PGBD2: variants seen among roughly 807,000 people sequenced by gnomAD.
PGBD2 encodes piggyBac transposable element-derived protein 2.
Under a neutral mutation model 8.1 loss-of-function variants are expected in PGBD2, and 6 were observed. The ratio of observed to expected loss-of-function variants is 0.74; its 90% CI spans 0.40 to 1.46. The LOEUF (loss-of-function observed/expected upper bound fraction) is 1.46, where lower values mean the gene tolerates loss of function less well. PGBD2 is among the 40% of genes most tolerant of loss of function. PGBD2 has a pLI of 0.02. For missense variants in PGBD2, 802 were observed against 739.0 expected, an observed-to-expected ratio of 1.09 and a Z score of -0.99; for synonymous variants, 318 against 272.2, an observed-to-expected ratio of 1.17 and a Z score of -1.66.
the PGBD2 span, among the ~76,000 whole-genome samples, chr1:248,875,321 A>C: frequency 8.0e-5 from 12 of 149,278 alleles, no homozygotes; most frequent in African/African-American, 3.0e-4. Flanking sequence ...AAAAAAAAAA[A>C]AAAAAAAGAA....
chr1:248,902,901 G>T (rs1661558609), upstream of PGBD2, among the ~76,000 whole-genome samples: 7 of 152,156 alleles, frequency 4.6e-5, no homozygotes, highest in Admixed American at 4.6e-4. Flanking sequence ...AGTAGCTAAT[G>T]CTTGTTAAGC....
At chr1:248,924,421 G>A (rs756223549), downstream of PGBD2, among the ~76,000 whole-genome samples, 9 of 152,146 alleles carry the variant, frequency 5.9e-5, no homozygotes, top group Non-Finnish European at 1.2e-4. Context: ...ATCTACAGTA[G>A]AAGATATTTT....
chr1:248,877,851 A>G, the PGBD2 span, among the ~76,000 whole-genome samples: 1 of 152,198 alleles, frequency 6.6e-6, no homozygotes, highest in Non-Finnish European at 1.5e-5. Flanking sequence ...GCTGATGGCT[A>G]GAAGTGATGT....
chr1:248,928,822 G>A, the PGBD2 span, among the ~76,000 whole-genome samples: 6 of 152,226 alleles, frequency 3.9e-5, no homozygotes, highest in East Asian at 3.9e-4. Context: ...GTGACTTTTC[G>A]CACCTTAAAT....
the PGBD2 span, among the ~76,000 whole-genome samples, chr1:248,925,350 G>A: frequency 6.6e-6 from 1 of 152,178 alleles, no homozygotes; most frequent in African/African-American, 2.4e-5. Flanking sequence ...CAGGGGAAGA[G>A]AATTGTCCAC....
chr1:248,887,801 AAC>A, the PGBD2 span, among the ~76,000 whole-genome samples: 1 of 152,202 alleles, frequency 6.6e-6, no homozygotes, highest in Non-Finnish European at 1.5e-5. Flanking sequence ...GCACCAACCT[AAC>A]ACAAGGGCAG....
chr1:248,881,008 A>G, the PGBD2 span, among the ~76,000 whole-genome samples: 1 of 152,140 alleles, frequency 6.6e-6, no homozygotes, highest in Non-Finnish European at 1.5e-5. Flanking sequence ...AGGTTACTTA[A>G]GGGTATGCAT....
chr1:248,907,274 A>G (rs1028465117), intron 1 of PGBD2, among the ~76,000 whole-genome samples: 6 of 152,250 alleles, frequency 3.9e-5, no homozygotes, highest in Admixed American at 2.6e-4. Context: ...TTTCAGTGGA[A>G]TAAAGAATAA....
the PGBD2 span, among the ~76,000 whole-genome samples, chr1:248,886,458 A>C: frequency 6.6e-6 from 1 of 152,368 alleles, no homozygotes; most frequent in African/African-American, 2.4e-5. Context: ...TTTGTACTCC[A>C]TCTGAAAGAT....
At chr1:248,914,004 A>C in intron 2 of PGBD2, 125 bp downstream of exon 2, 1 of 855,082 alleles carries the variant, frequency 1.2e-6, no homozygotes, top group Non-Finnish European at 2.0e-6. Flanking sequence ...GGAAGTATAA[A>C]GGAAGAAGGG....
intron 1 of PGBD2, among the ~76,000 whole-genome samples, chr1:248,907,229 C>T (rs546394614): frequency 6.6e-6 from 1 of 152,200 alleles, no homozygotes; most frequent in African/African-American, 2.4e-5. Context: ...TGGATGTGCA[C>T]GTAGGCCACA....
chr1:248,903,289 C>G (rs1327870589), upstream of PGBD2, among the ~76,000 whole-genome samples: 1 of 152,118 alleles, frequency 6.6e-6, no homozygotes, highest in Non-Finnish European at 1.5e-5. Context: ...GTCTCAAACT[C>G]CTGGGCTCAA....
At chr1:248,929,814 C>T in the PGBD2 span, among the ~76,000 whole-genome samples, 2 of 152,176 alleles carry the variant, frequency 1.3e-5, no homozygotes, top group African/African-American at 4.8e-5. Flanking sequence ...GTGCAGGAAA[C>T]TCTCTCAGTG....
upstream of PGBD2, among the ~76,000 whole-genome samples, chr1:248,902,768 G>A (rs1661557119): frequency 6.6e-6 from 1 of 151,716 alleles, no homozygotes; most frequent in Non-Finnish European, 1.5e-5. Flanking sequence ...AACACCACAT[G>A]TTCTCACTTA....
chr1:248,893,751 C>A, the PGBD2 span, among the ~76,000 whole-genome samples: 1 of 152,134 alleles, frequency 6.6e-6, no homozygotes, highest in Non-Finnish European at 1.5e-5. Context: ...TGGCTACATA[C>A]CCACAAGTGT....
At chr1:248,882,275 T>C in the PGBD2 span, among the ~76,000 whole-genome samples, 29 of 152,254 alleles carry the variant, frequency 1.9e-4, no homozygotes, top group African/African-American at 6.7e-4. Context: ...TTTAGGGTCA[T>C]TTGATTATGA....
downstream of PGBD2, among the ~76,000 whole-genome samples, chr1:248,924,472 A>T (rs1488859140): frequency 6.6e-6 from 1 of 152,226 alleles, no homozygotes; most frequent in African/African-American, 2.4e-5. Flanking sequence ...CTTGCTCTTA[A>T]GTCTTTTAGA....
chr1:248,917,353 C>G lies in PGBD2; in HGVS notation c.769C>G (p.Gln257Glu). 6.2e-7 allele frequency: 1 copy of G among 1,614,158 alleles called. No individual in the cohort carries two copies. The highest frequency in any genetic ancestry group is 8.5e-7 in the Non-Finnish European group (1 of 1,180,022). The change falls in exon 3 of 3, where the codon CAG (glutamine) becomes GAG (glutamate). Residue 257 changes from glutamine to glutamate, a missense_variant. Gln to Glu is a conservative substitution (Grantham distance 29). Transcript: ENST00000329291. ...CATCATCCGGATGAACTGCAATTTC[C>G]AGAAGCATGCACCCTTGGAAGAGTT... ...PLIIRMNCNF[Q>E]KHAPLEEFYS... is the part of the protein sequence containing the mutation.
chr1:248,926,296 T>C, the PGBD2 span, among the ~76,000 whole-genome samples: 2 of 152,164 alleles, frequency 1.3e-5, no homozygotes, highest in African/African-American at 4.8e-5. Context: ...ATGTAAATAA[T>C]TTTACATTAT....
Sources: gnomAD v4.1 joint callset for allele counts (sites outside exome capture counted in the v4.1 genomes callset) on GRCh38, gnomAD v4.1.1 for gene constraint, MANE v1.5 for transcripts, NCBI Gene and HGNC (gene_info 2026-07-23, HGNC 2026-07-21) for gene names.